Variants in AFF1 observed in about 807,000 individuals in gnomAD.
AFF1 encodes the protein ALF transcription elongation factor 1.
In AFF1, 48 loss-of-function variants were observed where a neutral mutation model predicts 121.7. That is an observed-to-expected ratio of 0.39 (90% CI 0.31 to 0.50). AFF1 has a LOEUF of 0.50. Ranked by LOEUF, AFF1 falls within the 20% of genes least tolerant of loss-of-function variation. The pLI is 0.76. For missense variants in AFF1, 1,523 were observed against 1,511.7 expected (o/e 1.01, Z -0.12); for synonymous variants, 613 against 563.0 (o/e 1.09, Z -1.26).
At chr4:87,048,451 T>G (rs1307044871) in intron 4 of AFF1, among the ~76,000 whole-genome samples, 3 of 152,202 alleles carry the variant, frequency 2.0e-5, no homozygotes, top group Middle Eastern at 3.2e-3. Context: ...AAATTAAGAT[T>G]AGTAGTGTGA....
In AFF1 at chr4:87,140,830, G is replaced by C. The variant is rs1194442259; in HGVS notation, c.*5129G>C. On this transcript the variant is annotated 3_prime_UTR_variant, in exon 21 of 21. Transcript: ENST00000395146. Reference sequence around the variant, plus strand: ...TGTATAGTCGTTTGAAAGAATATGTGATCTGTGAGAGAATTATAGTTTTTT... The same window carrying C: ...TGTATAGTCGTTTGAAAGAATATGTCATCTGTGAGAGAATTATAGTTTTTT... 26 of 187,502 alleles carry C rather than the reference G, an allele frequency of 1.4e-4. No homozygotes were observed. In the East Asian group the frequency reaches 2.1e-3, roughly 15 times the overall value. The allele number at this position is 187,502 out of a possible 1,614,324, so 11.6% of individuals were successfully genotyped here.
chr4:87,010,905 T>G (rs866022001), intron 2 of AFF1, among the ~76,000 whole-genome samples: 1 of 151,738 alleles, frequency 6.6e-6, no homozygotes, highest in Middle Eastern at 3.4e-3. Flanking sequence ...TGAAACCCCA[T>G]CTCTACTAAA....
In AFF1 at chr4:87,046,244, G is replaced by A; in HGVS notation, c.117G>A (p.Glu39=). 1 of 1,613,862 alleles carries A rather than the reference G, an allele frequency of 6.2e-7. No individual in the cohort carries two copies. The highest frequency in any genetic ancestry group is 8.5e-7 in the Non-Finnish European group (1 of 1,179,952). ...ACCAGGAAGCCCACCAAGAGAAAGAGGCATTTCCTGAAAAGATTCCCCTTT... is the reference window on the plus strand; with the variant it reads ...ACCAGGAAGCCCACCAAGAGAAAGAAGCATTTCCTGAAAAGATTCCCCTTT... The part of the protein sequence containing the change: ...RRNQEAHQEK[E]AFPEKIPLFG... The change falls in exon 3 of 21, where the codon GAG becomes GAA. Residue 39 remains glutamate (E), a synonymous_variant. Transcript: ENST00000395146.
chr4:87,007,036 G>C, intron 2 of AFF1: 1 of 1,170,844 alleles, frequency 8.5e-7, no homozygotes, highest in Non-Finnish European at 1.1e-6. Flanking sequence ...GCTGTTGCTG[G>C]GCAGGCGTTG....
chr4:86,944,048 G>A (rs1038590410), intron 1 of AFF1, among the ~76,000 whole-genome samples: 45 of 151,732 alleles, frequency 3.0e-4, no homozygotes, highest in African/African-American at 1.1e-3. Context: ...GAAGGCTGAG[G>A]TGGGAGGTTT....
At chr4:87,006,232 G>A (rs893264584) in intron 2 of AFF1, among the ~76,000 whole-genome samples, 3 of 152,188 alleles carry the variant, frequency 2.0e-5, no homozygotes, top group Non-Finnish European at 4.4e-5. Flanking sequence ...TCATCTAAGA[G>A]TCTTCAGCTC....
chr4:86,980,947 A>ACCCCCCCCCCCCCC (rs57473395), intron 2 of AFF1, among the ~76,000 whole-genome samples: 1 of 102,400 alleles, frequency 9.8e-6, no homozygotes, highest in African/African-American at 3.5e-5. Flanking sequence ...GGCTTGAGGC[A>ACCCCCCCCCCCCCC]CCCCCCCCCT....
intron 4 of AFF1, among the ~76,000 whole-genome samples, chr4:87,057,435 C>T (rs989128922): frequency 1.3e-5 from 2 of 152,180 alleles, no homozygotes; most frequent in Non-Finnish European, 2.9e-5. Flanking sequence ...ACCTAACCTT[C>T]CTGTGTTACC....
intron 4 of AFF1, among the ~76,000 whole-genome samples, chr4:87,073,110 A>G (rs1391404095): frequency 6.6e-6 from 1 of 152,026 alleles, no homozygotes; most frequent in Non-Finnish European, 1.5e-5. Context: ...AGGTTATAGA[A>G]AAGCAAAATA....
rs750013371 is a variant in AFF1, at chr4:87,106,693, ACTT to A, written c.1376+852_1376+854del. ...ATTTTTGAAAATATGAACTATTTGA[ACTT>A]CTTTTATAATACTTTCCTCTGGTAA... On this transcript the variant is annotated intron_variant, in intron 10 of 20. Transcript: ENST00000395146. Among the ~76,000 whole-genome samples, 36 of 152,304 alleles carry A rather than the reference ACTT, an allele frequency of 2.4e-4. 3 individuals carry two copies. The highest frequency in any genetic ancestry group is 1.4e-3 in the East Asian group (7 of 5,182).
chr4:86,955,699 A>G (rs1433697323), intron 2 of AFF1, among the ~76,000 whole-genome samples: 2 of 152,220 alleles, frequency 1.3e-5, no homozygotes, highest in Admixed American at 6.5e-5. Context: ...ATTTCAGGCT[A>G]TACCACCAAA....
chr4:86,969,928 G>A (rs1350373676), intron 2 of AFF1, among the ~76,000 whole-genome samples: 4 of 143,518 alleles, frequency 2.8e-5, no homozygotes, highest in African/African-American at 5.2e-5. Context: ...CATCAAGATT[G>A]CATGATATAG....
At chr4:87,048,341 T>A (rs1730937165) in intron 4 of AFF1, among the ~76,000 whole-genome samples, 1 of 152,190 alleles carries the variant, frequency 6.6e-6, no homozygotes, top group Admixed American at 6.5e-5. Context: ...AAAATATTTC[T>A]TTTTCTACTG....
chr4:87,004,648 G>C (rs1195761153), intron 2 of AFF1, among the ~76,000 whole-genome samples: 3 of 152,178 alleles, frequency 2.0e-5, no homozygotes, highest in African/African-American at 7.2e-5. Flanking sequence ...GTTCCAGTGA[G>C]CATTTCCTTT....
At chr4:87,130,045 G>A (rs1002743312) in intron 16 of AFF1, among the ~76,000 whole-genome samples, 2 of 150,588 alleles carry the variant, frequency 1.3e-5, no homozygotes, top group African/African-American at 5.0e-5. Context: ...CATGATCTCG[G>A]CTCACCGTAA....
chr4:87,082,258 A>G (rs1178516124), intron 4 of AFF1, among the ~76,000 whole-genome samples: 2 of 152,186 alleles, frequency 1.3e-5, no homozygotes, highest in Non-Finnish European at 2.9e-5. Context: ...AAATCGTAGA[A>G]TAGTATTACA....
At chr4:86,997,925 C>T (rs1429339713) in intron 2 of AFF1, among the ~76,000 whole-genome samples, 5 of 151,874 alleles carry the variant, frequency 3.3e-5, no homozygotes, top group Non-Finnish European at 4.4e-5. Context: ...GGAGAAACCT[C>T]GTCTCTACTA....
chr4:87,034,317 T>G (rs1215187184), intron 2 of AFF1, among the ~76,000 whole-genome samples: 2 of 152,168 alleles, frequency 1.3e-5, no homozygotes, highest in African/African-American at 4.8e-5. Flanking sequence ...GAATGGGGCC[T>G]TGTTGGCCAG....
At chr4:86,979,360 A>G (rs991135957) in intron 2 of AFF1, among the ~76,000 whole-genome samples, 4 of 152,086 alleles carry the variant, frequency 2.6e-5, no homozygotes, top group African/African-American at 4.8e-5. Flanking sequence ...CGGCCTCCCA[A>G]AGTGCTGGGA....
Sources: gnomAD v4.1 joint callset for allele counts (sites outside exome capture counted in the v4.1 genomes callset) on GRCh38, gnomAD v4.1.1 for gene constraint, MANE v1.5 for transcripts, NCBI Gene and HGNC (gene_info 2026-07-23, HGNC 2026-07-21) for gene names.